KCNIP1: variants seen among roughly 807,000 people sequenced by gnomAD.
KCNIP1 encodes the protein A-type potassium channel modulatory protein KCNIP1.
Under a neutral mutation model 33.0 loss-of-function variants are expected in KCNIP1, and 18 were observed. The observed-to-expected ratio is 0.55, with a 90% CI of 0.38 to 0.81. KCNIP1 has a LOEUF of 0.81. KCNIP1 is among the 30% of genes least tolerant of loss of function. KCNIP1 has a pLI of 0.00. For missense variants in KCNIP1, 238 were observed against 271.6 expected, an observed-to-expected ratio of 0.88 and a Z score of 0.87; for synonymous variants, 93 against 98.3, an observed-to-expected ratio of 0.95 and a Z score of 0.32.
chr5:170,456,081 T>C (rs1314818729), intron 1 of KCNIP1, among the ~76,000 whole-genome samples: 1 of 152,188 alleles, frequency 6.6e-6, no homozygotes, highest in Non-Finnish European at 1.5e-5. Flanking sequence ...AATGATAGAC[T>C]GGACAAAGAA....
chr5:170,654,430 A>G (rs1761179755), intron 1 of KCNIP1, among the ~76,000 whole-genome samples: 2 of 152,226 alleles, frequency 1.3e-5, no homozygotes, highest in African/African-American at 4.8e-5. Context: ...AGTCACAATA[A>G]AATTGTGTCG....
At chr5:170,514,969 T>C (rs946404779) in intron 1 of KCNIP1, among the ~76,000 whole-genome samples, 1 of 152,244 alleles carries the variant, frequency 6.6e-6, no homozygotes, top group African/African-American at 2.4e-5. Flanking sequence ...TGGTAGGTAG[T>C]GTGATTATTC....
intron 1 of KCNIP1, among the ~76,000 whole-genome samples, chr5:170,424,809 G>A (rs79418242): frequency 0.037 from 5,684 of 152,262 alleles, 115 homozygotes; most frequent in Middle Eastern, 0.051. Flanking sequence ...TTAGAATAAA[G>A]CCCAACCTCC....
intron 1 of KCNIP1, among the ~76,000 whole-genome samples, chr5:170,509,196 G>A (rs1754833613): frequency 6.6e-6 from 1 of 152,174 alleles, no homozygotes; most frequent in African/African-American, 2.4e-5. Context: ...TCCATGAAAT[G>A]TACCGAATCT....
chr5:170,371,853 T>C (rs562931451), intron 1 of KCNIP1, among the ~76,000 whole-genome samples: 1 of 152,326 alleles, frequency 6.6e-6, no homozygotes, highest in East Asian at 1.9e-4. Flanking sequence ...AAGAGAACTA[T>C]TGTAGAAAGA....
intron 1 of KCNIP1, among the ~76,000 whole-genome samples, chr5:170,425,031 C>A (rs1036555441): frequency 2.0e-5 from 3 of 152,172 alleles, no homozygotes; most frequent in African/African-American, 7.2e-5. Context: ...ACCTCAGCTC[C>A]AAGTCACTTC....
intron 6 of KCNIP1, 70 bp downstream of exon 6, chr5:170,732,974 C>A (rs1764255798): frequency 4.4e-6 from 4 of 918,614 alleles, no homozygotes; most frequent in Admixed American, 3.5e-5. Context: ...AGCATCTGAG[C>A]AAATGATTTG....
intron 1 of KCNIP1, among the ~76,000 whole-genome samples, chr5:170,670,322 G>T (rs918663989): frequency 6.6e-6 from 1 of 152,148 alleles, no homozygotes; most frequent in Non-Finnish European, 1.5e-5. Context: ...GAAGGTAGAT[G>T]ACCTCCCATG....
chr5:170,649,652 C>T (rs1045379288), intron 1 of KCNIP1, among the ~76,000 whole-genome samples: 1 of 151,158 alleles, frequency 6.6e-6, no homozygotes, highest in African/African-American at 2.4e-5. Flanking sequence ...TCTACTCAGC[C>T]TGAGCATCAT....
chr5:170,367,009 G>A (rs533900679), intron 1 of KCNIP1, among the ~76,000 whole-genome samples: 5 of 152,276 alleles, frequency 3.3e-5, no homozygotes, highest in African/African-American at 1.2e-4. Flanking sequence ...AAGGGCAGGG[G>A]CTACATTTTA....
At chr5:170,498,536 C>A (rs1757353403) in intron 1 of KCNIP1, among the ~76,000 whole-genome samples, 1 of 152,184 alleles carries the variant, frequency 6.6e-6, no homozygotes. Flanking sequence ...TCCTTCCTAG[C>A]CTGAATGCAA....
chr5:170,383,505 C>G, intron 1 of KCNIP1: 1 of 716,946 alleles, frequency 1.4e-6, no homozygotes, highest in South Asian at 1.7e-5. Flanking sequence ...GATTCAAACC[C>G]AGGTCTGTGT....
intron 1 of KCNIP1, among the ~76,000 whole-genome samples, chr5:170,672,041 G>C (rs568523441): frequency 1.3e-5 from 2 of 152,332 alleles, no homozygotes; most frequent in African/African-American, 4.8e-5. Flanking sequence ...CTTCACTAAG[G>C]AGATATTCCC....
At chr5:170,380,812 C>A (rs1325883348) in intron 1 of KCNIP1, among the ~76,000 whole-genome samples, 1 of 152,170 alleles carries the variant, frequency 6.6e-6, no homozygotes, top group East Asian at 1.9e-4. Context: ...TCAGACAGGC[C>A]TGAGTTCTGA....
At chr5:170,439,352 TGGCA>T (rs1202849426) in intron 1 of KCNIP1, among the ~76,000 whole-genome samples, 8 of 152,232 alleles carry the variant, frequency 5.3e-5, no homozygotes, top group Admixed American at 5.2e-4. Flanking sequence ...GCAGGCAACC[TGGCA>T]GGCAGGCAGG....
intron 1 of KCNIP1, among the ~76,000 whole-genome samples, chr5:170,388,672 T>G (rs1330164062): frequency 6.6e-6 from 1 of 152,122 alleles, no homozygotes; most frequent in Non-Finnish European, 1.5e-5. Flanking sequence ...GTTGAACAGT[T>G]TGGTGGGGTG....
chr5:170,453,801 C>G (rs1420320666), intron 1 of KCNIP1, among the ~76,000 whole-genome samples: 1 of 152,164 alleles, frequency 6.6e-6, no homozygotes, highest in African/African-American at 2.4e-5. Context: ...GTGGGAAGCC[C>G]AGGTGCTGAG....
intron 1 of KCNIP1, among the ~76,000 whole-genome samples, chr5:170,576,448 G>A (rs1757607323): frequency 6.6e-6 from 1 of 152,208 alleles, no homozygotes; most frequent in Non-Finnish European, 1.5e-5. Context: ...CACAGATGGG[G>A]ACATAGACTC....
intron 1 of KCNIP1, among the ~76,000 whole-genome samples, chr5:170,661,075 C>T (rs1341653802): frequency 6.6e-6 from 1 of 152,182 alleles, no homozygotes; most frequent in Admixed American, 6.5e-5. Flanking sequence ...TTTGGTGAGA[C>T]AGAAATCAAG....
Sources: allele counts gnomAD v4.1 joint callset (sites outside exome capture counted in the v4.1 genomes callset), GRCh38; gene constraint gnomAD v4.1.1; transcripts MANE v1.5; gene names NCBI Gene and HGNC (gene_info 2026-07-23, HGNC 2026-07-21).